The following KDM4C variants were observed in gnomAD, a reference collection of about 807,000 sequenced individuals.
KDM4C encodes the protein lysine-specific demethylase 4C.
A neutral mutation model predicts 129.3 loss-of-function variants in KDM4C; 81 were observed. The observed-to-expected ratio is 0.63, with a 90% CI of 0.52 to 0.75. The LOEUF is 0.75. Among genes scored for constraint, KDM4C ranks in the 30% least tolerant of loss-of-function variants. The pLI, the probability that KDM4C is intolerant of heterozygous loss-of-function variation, is 0.00. For synonymous variants in KDM4C, 573 were observed against 456.1 expected, an observed-to-expected ratio of 1.26 and a Z score of -3.26; for missense variants, 1,457 against 1,304.0, an observed-to-expected ratio of 1.12 and a Z score of -1.81.
Position 6,980,913 on chromosome 9 carries a change from G to C in KDM4C, c.922-12G>C, listed in dbSNP as rs368863009. On this transcript the variant is annotated splice_polypyrimidine_tract_variant and intron_variant, in intron 8 of 21. Coordinates refer to ENST00000381309, the MANE Select transcript of KDM4C (RefSeq NM_015061.6). ...GAAACGTTTAACACTCTCCAACCCG[G>C]TTGTGTTTCAGTGCACTTGCAGGAA... is the stretch of plus-strand genomic sequence containing the variant. 6.2e-7 allele frequency: 1 copy of C among 1,612,982 alleles called. No individual in the cohort carries two copies.
intron 1 of KDM4C, among the ~76,000 whole-genome samples, chr9:6,778,918 C>T (rs577495038): frequency 1.6e-4 from 24 of 150,838 alleles, no homozygotes; most frequent in African/African-American, 5.6e-4. Context: ...GACAGGATTT[C>T]ACCATGTTGG....
intron 15 of KDM4C, among the ~76,000 whole-genome samples, chr9:7,023,256 C>T (rs900102761): frequency 6.6e-6 from 1 of 152,134 alleles, no homozygotes; most frequent in Non-Finnish European, 1.5e-5. Context: ...AGCACTGAAG[C>T]CATTGGGTCC....
At chr9:7,089,081 A>C (rs1394703619) in intron 17 of KDM4C, among the ~76,000 whole-genome samples, 1 of 152,242 alleles carries the variant, frequency 6.6e-6, no homozygotes, top group Non-Finnish European at 1.5e-5. Context: ...ACAGGAAGGA[A>C]AAAGAAAAAT....
chr9:7,149,365 G>A (rs62532923), intron 19 of KDM4C, among the ~76,000 whole-genome samples: 29 of 152,224 alleles, frequency 1.9e-4, no homozygotes, highest in Non-Finnish European at 2.4e-4. Context: ...AGGCACTTCC[G>A]AGCCTGCCGG....
chr9:7,125,059 C>A (rs11999116), intron 18 of KDM4C, among the ~76,000 whole-genome samples: 462 of 152,262 alleles, frequency 3.0e-3, no homozygotes, highest in African/African-American at 0.011. Flanking sequence ...TCAGTGGCTT[C>A]CTAGGTTCAC....
chr9:6,924,760 C>G, intron 8 of KDM4C: 1 of 984,222 alleles, frequency 1.0e-6, no homozygotes, highest in Non-Finnish European at 1.2e-6. Flanking sequence ...AACACAAAAA[C>G]TTAAAATGTT....
intron 17 of KDM4C, among the ~76,000 whole-genome samples, chr9:7,052,880 A>C (rs1365055499): frequency 1.3e-4 from 2 of 14,894 alleles, no homozygotes; most frequent in African/African-American, 3.8e-4. Flanking sequence ...AGAGAGAGAG[A>C]GAGAGAGAGA....
chr9:7,128,031 C>A (rs138984179), intron 18 of KDM4C, 35 bp from the exon 19 acceptor site: 1 of 1,371,200 alleles, frequency 7.3e-7, no homozygotes, highest in Non-Finnish European at 9.6e-7. Context: ...TGTTCTCTTA[C>A]TTCTTTTCTT....
chr9:6,979,138 G>T (rs949448034), intron 8 of KDM4C, among the ~76,000 whole-genome samples: 4 of 152,136 alleles, frequency 2.6e-5, no homozygotes, highest in African/African-American at 7.2e-5. Context: ...GTTTCTGGTT[G>T]TAAGTCCAAG....
rs148030762 is a variant in KDM4C, at chr9:6,961,536, C to T, written c.922-19389C>T. Reference sequence around the variant, plus strand: ...AACATTGTAACTATTTCTCATCAGACAGAATATAGTATTTATACATAGCAT... The same window carrying T: ...AACATTGTAACTATTTCTCATCAGATAGAATATAGTATTTATACATAGCAT... On this transcript the variant is annotated intron_variant, in intron 8 of 21. Coordinates refer to ENST00000381309, the MANE Select transcript of KDM4C (RefSeq NM_015061.6). Among the ~76,000 whole-genome samples the T allele has an allele frequency of 3.3e-3, 501 of 152,238 alleles. 2 individuals carry two copies. Among genetic ancestry groups the T allele is most frequent in the African/African-American group, 0.011 (466 of 41,552 alleles).
chr9:6,990,432 A>G lies in KDM4C; in HGVS notation c.1694A>G (p.Asn565Ser). 1 of 1,613,172 alleles carries G rather than the reference A, an allele frequency of 6.2e-7. No individual in the cohort carries two copies. The part of the protein sequence containing the change: ...FKVPSIAEGE[N>S]KTSKSWRHPL... Reference sequence around the variant, plus strand: ...TATAACTAGATAGCAGAGGGAGAGAACAAAACCTCTAAGAGTTGGCGCCAT... The same window carrying G: ...TATAACTAGATAGCAGAGGGAGAGAGCAAAACCTCTAAGAGTTGGCGCCAT... The change falls in exon 12 of 22, where the codon AAC (asparagine) becomes AGC (serine). Residue 565 changes from asparagine (N) to serine (S), a missense_variant. By Grantham distance (46) the Asn-to-Ser change is conservative. Coordinates refer to ENST00000381309, the MANE Select transcript of KDM4C (RefSeq NM_015061.6).
chr9:6,847,811 A>G lies in KDM4C; in HGVS notation c.436-1696A>G, dbSNP rs931020855. Among the ~76,000 whole-genome samples the G allele has an allele frequency of 2.6e-5, 4 of 152,336 alleles. No homozygotes were observed. In the East Asian group the frequency reaches 7.7e-4, roughly 29 times the overall value. ...TGGGAATTAAATTATGTCCTTTGGC[A>G]TGTTCAGTTATGTTACCTGAGTCAG... On this transcript the variant is annotated intron_variant, in intron 4 of 21. Coordinates refer to ENST00000381309, the MANE Select transcript of KDM4C (RefSeq NM_015061.6).
Position 7,064,586 on chromosome 9 carries a change from G to A in KDM4C, c.2424+15386G>A, listed in dbSNP as rs1053713380. Among the ~76,000 whole-genome samples the A allele has an allele frequency of 2.6e-5, 4 of 152,310 alleles. No individual in the cohort carries two copies. In the East Asian group the frequency reaches 7.7e-4, roughly 29 times the overall value. ...AGCCAAGGTCCTGGCATAAACAGCT[G>A]GGTGATTGGTCCTGCAACGTGCAAG... is the stretch of plus-strand genomic sequence containing the variant. On this transcript the variant is annotated intron_variant, in intron 17 of 21. Transcript: ENST00000381309.
Position 6,990,456 on chromosome 9 carries a change from A to G in KDM4C, c.1718A>G (p.His573Arg). 2 of 1,613,668 alleles carry G rather than the reference A, an allele frequency of 1.2e-6. No homozygotes were observed. Among genetic ancestry groups the G allele is most frequent in the Non-Finnish European group, 1.7e-6 (2 of 1,179,886 alleles). Residue 573 changes from histidine (H) to arginine (R), a missense_variant, in exon 12 of 22, where the codon CAT becomes CGT. His to Arg is a conservative substitution (Grantham distance 29). Transcript: ENST00000381309. The stretch of plus-strand genomic sequence containing the variant: ...AACAAAACCTCTAAGAGTTGGCGCC[A>G]TCCACTTAGCAGGCCTCCAGCAAGA... ...GENKTSKSWR[H>R]PLSRPPARSP...
At position 6,893,219 on chromosome 9, in the gene KDM4C, A is replaced by G; in HGVS notation, c.908A>G (p.Lys303Arg). Residue 303 changes from lysine (K) to arginine (R), a missense_variant, in exon 8 of 22, where the codon AAA becomes AGA. Physicochemically the swap from Lys to Arg is conservative, Grantham distance 26. Coordinates refer to ENST00000381309, the MANE Select transcript of KDM4C (RefSeq NM_015061.6). ...FATVRWIDYG[K>R]VAKLCTCRKD... is the part of the protein sequence containing the mutation. ...ACTGTCAGATGGATTGACTATGGAA[A>G]AGTTGCCAAATTGGTAAGCTATGCC... 2 of 1,609,444 alleles carry G rather than the reference A, an allele frequency of 1.2e-6. No individual in the cohort carries two copies. Among genetic ancestry groups the G allele is most frequent in the Non-Finnish European group, 1.7e-6 (2 of 1,178,158 alleles).
chr9:6,831,369 T>TTTTATTTA (rs113555302), intron 4 of KDM4C, among the ~76,000 whole-genome samples: 2 of 150,908 alleles, frequency 1.3e-5, no homozygotes, highest in African/African-American at 4.9e-5. Flanking sequence ...TCTTTTTTAT[T>TTTTATTTA]TTTATTTATT....
intron 1 of KDM4C, among the ~76,000 whole-genome samples, chr9:6,789,086 C>T (rs1478188412): frequency 6.6e-6 from 1 of 151,640 alleles, no homozygotes. Context: ...CTCTTTCACC[C>T]AGGCTGGAGT....
intron 1 of KDM4C, among the ~76,000 whole-genome samples, chr9:6,744,512 A>C (rs1817814128): frequency 6.6e-6 from 1 of 152,164 alleles, no homozygotes; most frequent in African/African-American, 2.4e-5. Context: ...CGACAAAGTG[A>C]GACTTCATCT....
At chr9:6,935,480 G>C (rs529960179) in intron 8 of KDM4C, among the ~76,000 whole-genome samples, 1 of 151,192 alleles carries the variant, frequency 6.6e-6, no homozygotes, top group African/African-American at 2.4e-5. Context: ...GCAGTGGCAT[G>C]ATCTCAGTTC....
Sources: gnomAD v4.1 joint callset for allele counts (sites outside exome capture counted in the v4.1 genomes callset) on GRCh38, gnomAD v4.1.1 for gene constraint, MANE v1.5 for transcripts, NCBI Gene and HGNC (gene_info 2026-07-23, HGNC 2026-07-21) for gene names.